DPP6: variants seen among roughly 807,000 people sequenced by gnomAD.
DPP6 encodes the protein dipeptidyl peptidase like 6.
A neutral mutation model predicts 122.6 loss-of-function variants in DPP6; 69 were observed. The ratio of observed to expected loss-of-function variants is 0.56; its 90% CI spans 0.46 to 0.69. The LOEUF is 0.69. DPP6 is among the 30% of genes least tolerant of loss of function. The probability of loss-of-function intolerance (pLI) is 0.00; values close to 1 mark genes in which losing one functional copy is unlikely to be tolerated. For missense variants in DPP6, 928 were observed against 1,116.9 expected (o/e 0.83, Z 2.41); for synonymous variants, 418 against 433.1 (o/e 0.97, Z 0.43).
intron 5 of DPP6, among the ~76,000 whole-genome samples, chr7:154,636,933 C>T (rs1036325303): frequency 6.6e-6 from 1 of 152,178 alleles, no homozygotes; most frequent in African/African-American, 2.4e-5. Context: ...CATAGGGCAC[C>T]AGCTCTCAGA....
chr7:154,324,864 G>GTTT (rs1172014611), intron 1 of DPP6, among the ~76,000 whole-genome samples: 5 of 59,574 alleles, frequency 8.4e-5, no homozygotes, highest in African/African-American at 1.0e-4. Context: ...CTTTCCTTTT[G>GTTT]TTATTTTTTT....
chr7:153,889,500 A>G (rs957334083), intron 1 of DPP6, among the ~76,000 whole-genome samples: 4 of 152,194 alleles, frequency 2.6e-5, no homozygotes, highest in Admixed American at 2.6e-4. Context: ...TCATTACATC[A>G]ATCTACCGCC....
intron 1 of DPP6, among the ~76,000 whole-genome samples, chr7:153,984,933 A>T (rs4726365): frequency 0.34 from 51,156 of 151,990 alleles, 9,054 homozygotes; most frequent in Non-Finnish European, 0.4. Context: ...CACTATGCAT[A>T]TTCAGTGCAC....
chr7:154,777,366 T>G (rs531620798), intron 10 of DPP6, among the ~76,000 whole-genome samples: 1 of 152,248 alleles, frequency 6.6e-6, no homozygotes, highest in Non-Finnish European at 1.5e-5. Flanking sequence ...ACGGTTCTAT[T>G]AAAGAGAACT....
intron 6 of DPP6, among the ~76,000 whole-genome samples, chr7:154,656,786 T>G (rs1337825592): frequency 8.6e-6 from 1 of 116,908 alleles, no homozygotes; most frequent in African/African-American, 3.3e-5. Flanking sequence ...TGGGAGGAGG[T>G]ACTCATGTGT....
At chr7:153,889,512 A>G (rs1490820572) in intron 1 of DPP6, among the ~76,000 whole-genome samples, 1 of 152,220 alleles carries the variant, frequency 6.6e-6, no homozygotes, top group Non-Finnish European at 1.5e-5. Context: ...TCTACCGCCA[A>G]ATAAGTTTCT....
At chr7:154,671,864 G>GCA (rs1271644551) in intron 7 of DPP6, among the ~76,000 whole-genome samples, 6 of 73,464 alleles carry the variant, frequency 8.2e-5, no homozygotes, top group Middle Eastern at 0.014. Context: ...ACACACACAT[G>GCA]CACACACACA....
At chr7:154,545,824 C>G (rs1420269724) in intron 4 of DPP6, among the ~76,000 whole-genome samples, 1 of 152,212 alleles carries the variant, frequency 6.6e-6, no homozygotes, top group African/African-American at 2.4e-5. Flanking sequence ...ATGTAACGCA[C>G]CAGTTCAGAA....
intron 1 of DPP6, among the ~76,000 whole-genome samples, chr7:154,016,619 T>C (rs1470110360): frequency 6.6e-6 from 1 of 152,142 alleles, no homozygotes; most frequent in Admixed American, 6.5e-5. Flanking sequence ...TGGAAAAAAA[T>C]TAGCTGGGTG....
chr7:153,891,075 G>A (rs1799178093), intron 1 of DPP6, among the ~76,000 whole-genome samples: 1 of 136,324 alleles, frequency 7.3e-6, no homozygotes, highest in South Asian at 2.4e-4. Flanking sequence ...AGGCTGGAGT[G>A]CAGTGGTGCT....
chr7:154,273,953 C>T (rs914939447), intron 1 of DPP6, among the ~76,000 whole-genome samples: 14 of 152,204 alleles, frequency 9.2e-5, no homozygotes, highest in East Asian at 1.9e-4. Flanking sequence ...GTATCAAATG[C>T]GTGTCCCTGC....
intron 1 of DPP6, among the ~76,000 whole-genome samples, chr7:154,096,617 A>AT (rs1256919084): frequency 6.6e-6 from 1 of 152,216 alleles, no homozygotes; most frequent in Non-Finnish European, 1.5e-5. Flanking sequence ...ACTTTGGAAG[A>AT]TTTTTTATTA....
At chr7:154,537,754 AGAGAGGAGGGGAGGGGAGAG>A (rs1323285574) in intron 3 of DPP6, among the ~76,000 whole-genome samples, 1 of 150,480 alleles carries the variant, frequency 6.6e-6, no homozygotes, top group African/African-American at 2.4e-5. Context: ...AAAGGAAAGG[AGAGAGGAGGGGAGGGGAGAG>A]GAGAGGAGAG....
chr7:154,333,188 T>C (rs1312597690), intron 1 of DPP6, among the ~76,000 whole-genome samples: 1 of 152,244 alleles, frequency 6.6e-6, no homozygotes, highest in African/African-American at 2.4e-5. Context: ...TTCTATACTC[T>C]GTAGCCCAGT....
intron 16 of DPP6, among the ~76,000 whole-genome samples, chr7:154,846,713 C>T: frequency 6.6e-6 from 1 of 152,178 alleles, no homozygotes; most frequent in East Asian, 1.9e-4. Context: ...ACCTAAATAT[C>T]CACCAGTAGA....
At chr7:154,420,391 C>T (rs1341430688) in intron 1 of DPP6, among the ~76,000 whole-genome samples, 2 of 152,116 alleles carry the variant, frequency 1.3e-5, no homozygotes. Flanking sequence ...AATGCTAAGT[C>T]AAATAAGCCA....
At chr7:154,040,243 G>C (rs2129057568) in intron 1 of DPP6, among the ~76,000 whole-genome samples, 1 of 141,300 alleles carries the variant, frequency 7.1e-6, no homozygotes, top group Admixed American at 6.7e-5. Flanking sequence ...GTGTGGCATA[G>C]GTGGGAAAGA....
At chr7:154,522,578 A>C (rs1490918420) in intron 3 of DPP6, among the ~76,000 whole-genome samples, 1 of 152,208 alleles carries the variant, frequency 6.6e-6, no homozygotes, top group Non-Finnish European at 1.5e-5. Context: ...TAGAATGGAA[A>C]GAAATATTAC....
chr7:154,594,705 A>G (rs1832989667), intron 5 of DPP6, among the ~76,000 whole-genome samples: 1 of 152,172 alleles, frequency 6.6e-6, no homozygotes, highest in Admixed American at 6.5e-5. Context: ...CGCCCTTGGC[A>G]CACACCACCT....
Sources: gnomAD v4.1 joint callset for allele counts (sites outside exome capture counted in the v4.1 genomes callset) on GRCh38, gnomAD v4.1.1 for gene constraint, MANE v1.5 for transcripts, NCBI Gene and HGNC (gene_info 2026-07-23, HGNC 2026-07-21) for gene names.